ZRANB3: variants seen among roughly 807,000 people sequenced by gnomAD.
ZRANB3 encodes DNA annealing helicase and endonuclease ZRANB3.
A neutral mutation model predicts 133.8 loss-of-function variants in ZRANB3; 125 were observed. The ratio of observed to expected loss-of-function variants is 0.93; its 90% CI spans 0.81 to 1.08. The LOEUF (loss-of-function observed/expected upper bound fraction) is 1.08, where lower values mean the gene tolerates loss of function less well. Ranked by LOEUF, ZRANB3 falls within the 50% of genes least tolerant of loss-of-function variation. ZRANB3 has a pLI of 0.00. For synonymous variants in ZRANB3, 387 were observed against 432.7 expected, an observed-to-expected ratio of 0.89 and a Z score of 1.31; for missense variants, 1,229 against 1,275.5, an observed-to-expected ratio of 0.96 and a Z score of 0.56.
At chr2:135,465,420 T>C (rs1332717946) in intron 2 of ZRANB3, among the ~76,000 whole-genome samples, 2 of 152,116 alleles carry the variant, frequency 1.3e-5, no homozygotes, top group Non-Finnish European at 2.9e-5. Flanking sequence ...CCCCCTTAAC[T>C]GATGGTTACC....
chr2:135,496,414 G>GAAAAAAAAAAAAAAAAAAA (rs1692672066), intron 2 of ZRANB3, among the ~76,000 whole-genome samples: 3 of 77,130 alleles, frequency 3.9e-5, no homozygotes, highest in Non-Finnish European at 2.8e-5. Context: ...AAAAAAAAAC[G>GAAAAAAAAAAAAAAAAAAA]AAATCCGCAG....
intron 11 of ZRANB3, among the ~76,000 whole-genome samples, chr2:135,268,608 A>G (rs1295436307): frequency 6.6e-6 from 1 of 152,192 alleles, no homozygotes; most frequent in African/African-American, 2.4e-5. Context: ...GTCCAAAATT[A>G]GCTTGGAACT....
chr2:135,337,767 TA>T (rs1464441964), intron 6 of ZRANB3, among the ~76,000 whole-genome samples: 2 of 152,242 alleles, frequency 1.3e-5, no homozygotes, highest in African/African-American at 4.8e-5. Flanking sequence ...TTAAAATTCT[TA>T]ATAGAAAGTA....
chr2:135,219,315 A>G, intron 15 of ZRANB3, 137 bp from the exon 16 acceptor site: 1 of 591,996 alleles, frequency 1.7e-6, no homozygotes, highest in Non-Finnish European at 2.8e-6. Context: ...ATTCTAGACA[A>G]GGGTCCACCA....
At chr2:135,212,780 C>CGTT (rs2105045348) in intron 17 of ZRANB3, among the ~76,000 whole-genome samples, 1 of 152,248 alleles carries the variant, frequency 6.6e-6, no homozygotes, top group Non-Finnish European at 1.5e-5. Context: ...GAAAAGTGTA[C>CGTT]GTTGCAAAGT....
intron 8 of ZRANB3, among the ~76,000 whole-genome samples, chr2:135,308,526 C>A (rs2104817651): frequency 6.6e-6 from 1 of 152,278 alleles, no homozygotes; most frequent in South Asian, 2.1e-4. Context: ...TATAAACTCC[C>A]CTGTGTCAGG....
chr2:135,281,095 T>C (rs942841695), intron 8 of ZRANB3, among the ~76,000 whole-genome samples: 5 of 152,236 alleles, frequency 3.3e-5, no homozygotes, highest in Non-Finnish European at 7.3e-5. Context: ...TTGCTGGCTA[T>C]AAATCTCTAC....
intron 8 of ZRANB3, among the ~76,000 whole-genome samples, chr2:135,290,097 A>G (rs1275925460): frequency 2.6e-5 from 4 of 152,270 alleles, no homozygotes; most frequent in South Asian, 2.1e-4. Flanking sequence ...TGTTATGTAC[A>G]TATCTGTTAT....
chr2:135,525,914 G>A (rs982917642), intron 1 of ZRANB3, among the ~76,000 whole-genome samples: 7 of 148,510 alleles, frequency 4.7e-5, no homozygotes, highest in Non-Finnish European at 8.9e-5. Flanking sequence ...AGACATTATA[G>A]AAAGTGAAAT....
At chr2:135,316,983 A>AAAAAAATAT (rs35114507) in intron 6 of ZRANB3, among the ~76,000 whole-genome samples, 3 of 131,472 alleles carry the variant, frequency 2.3e-5, no homozygotes, top group Admixed American at 7.9e-5. Context: ...AAAAAAAAAA[A>AAAAAAATAT]ATATATATAT....
intron 3 of ZRANB3, among the ~76,000 whole-genome samples, chr2:135,376,216 T>A (rs1686422248): frequency 1.3e-5 from 2 of 152,224 alleles, no homozygotes; most frequent in South Asian, 4.1e-4. Context: ...ACCTACCCTG[T>A]TGACACCTAT....
At chr2:135,225,320 A>C (rs1694717433) in intron 14 of ZRANB3, among the ~76,000 whole-genome samples, 1 of 152,176 alleles carries the variant, frequency 6.6e-6, no homozygotes, top group Non-Finnish European at 1.5e-5. Flanking sequence ...TGATCTTTTA[A>C]AGTACTTTCC....
intron 12 of ZRANB3, among the ~76,000 whole-genome samples, chr2:135,236,670 G>A (rs1469246966): frequency 6.6e-6 from 1 of 152,054 alleles, no homozygotes; most frequent in African/African-American, 2.4e-5. Flanking sequence ...ACAAACCTGA[G>A]AAAAACAAGC....
intron 1 of ZRANB3, chr2:135,511,348 C>A (rs1400177707): frequency 2.4e-6 from 2 of 829,694 alleles, no homozygotes; most frequent in Non-Finnish European, 4.3e-6. Context: ...GGTTCTGGCT[C>A]AGGATCAGGC....
chr2:135,222,007 A>G (rs572146331), intron 15 of ZRANB3, among the ~76,000 whole-genome samples: 2 of 152,334 alleles, frequency 1.3e-5, no homozygotes, highest in African/African-American at 2.4e-5. Flanking sequence ...CCTGTAACTG[A>G]AAGTTTGGTC....
intron 20 of ZRANB3, 51 bp from the exon 21 acceptor site, chr2:135,200,491 T>G: frequency 7.0e-7 from 1 of 1,426,146 alleles, no homozygotes; most frequent in South Asian, 1.3e-5. Context: ...AAGCACCGGC[T>G]ACAAAAGCTC....
chr2:135,443,213 T>C (rs1328908122), intron 2 of ZRANB3, among the ~76,000 whole-genome samples: 1 of 152,068 alleles, frequency 6.6e-6, no homozygotes, highest in Non-Finnish European at 1.5e-5. Context: ...GACGAGTTCA[T>C]GTCCTTTACA....
chr2:135,388,212 C>G (rs1687067790), intron 3 of ZRANB3, among the ~76,000 whole-genome samples: 2 of 152,170 alleles, frequency 1.3e-5, no homozygotes, highest in African/African-American at 4.8e-5. Flanking sequence ...TACTGGCTAT[C>G]ATGAGAACAG....
At chr2:135,464,459 T>A (rs1206931667) in intron 2 of ZRANB3, among the ~76,000 whole-genome samples, 1 of 152,128 alleles carries the variant, frequency 6.6e-6, no homozygotes, top group African/African-American at 2.4e-5. Flanking sequence ...GGCCTCAGAG[T>A]GCTTGGGAAA....
Sources: allele counts gnomAD v4.1 joint callset (sites outside exome capture counted in the v4.1 genomes callset), GRCh38; gene constraint gnomAD v4.1.1; transcripts MANE v1.5; gene names NCBI Gene and HGNC (gene_info 2026-07-23, HGNC 2026-07-21).